Variants in ALCAM observed in about 807,000 individuals in gnomAD.
ALCAM encodes the protein CD166 antigen.
In ALCAM, 30 loss-of-function variants were observed where a neutral mutation model predicts 70.9. That is an observed-to-expected ratio of 0.42 (90% CI 0.32 to 0.57). The LOEUF (loss-of-function observed/expected upper bound fraction) is 0.57. ALCAM is among the 20% of genes least tolerant of loss of function. The pLI is 0.11. For missense variants in ALCAM, 591 were observed against 695.1 expected, an observed-to-expected ratio of 0.85 and a Z score of 1.68; for synonymous variants, 249 against 242.5, an observed-to-expected ratio of 1.03 and a Z score of -0.25.
chr3:105,546,805 C>G (rs1940259057), intron 9 of ALCAM, among the ~76,000 whole-genome samples: 1 of 151,206 alleles, frequency 6.6e-6, no homozygotes, highest in South Asian at 2.1e-4. Flanking sequence ...TAGTTGCCTG[C>G]TTAGGAGCAT....
At chr3:105,556,289 G>C (rs148515798) in intron 14 of ALCAM, among the ~76,000 whole-genome samples, 42 of 152,106 alleles carry the variant, frequency 2.8e-4, no homozygotes, top group African/African-American at 9.6e-4. Flanking sequence ...TTCAAGGTTG[G>C]TTGTATTTAA....
intron 1 of ALCAM, among the ~76,000 whole-genome samples, chr3:105,386,030 T>C (rs555287819): frequency 6.8e-4 from 103 of 151,688 alleles, no homozygotes; most frequent in Non-Finnish European, 1.3e-3. Context: ...GCACATACTA[T>C]TGAATGATCT....
intron 1 of ALCAM, among the ~76,000 whole-genome samples, chr3:105,374,193 A>G (rs1935316206): frequency 6.6e-6 from 1 of 152,174 alleles, no homozygotes; most frequent in Non-Finnish European, 1.5e-5. Context: ...TCTAACTGGC[A>G]GACATGACTT....
At chr3:105,418,038 A>G (rs1007042642) in intron 1 of ALCAM, among the ~76,000 whole-genome samples, 1 of 151,734 alleles carries the variant, frequency 6.6e-6, no homozygotes, top group African/African-American at 2.4e-5. Context: ...GATTTGAGGG[A>G]TGTGATTATG....
intron 1 of ALCAM, among the ~76,000 whole-genome samples, chr3:105,450,861 C>T (rs1169425409): frequency 6.6e-6 from 1 of 152,056 alleles, no homozygotes; most frequent in South Asian, 2.1e-4. Flanking sequence ...AGATTTAAGG[C>T]ATCCTGAGGT....
chr3:105,515,235 A>G (rs1462224106), intron 1 of ALCAM, among the ~76,000 whole-genome samples: 1 of 152,036 alleles, frequency 6.6e-6, no homozygotes, highest in Non-Finnish European at 1.5e-5. Flanking sequence ...TCACTCTATC[A>G]GTAGAACTAT....
At chr3:105,489,320 G>A (rs767967602) in intron 1 of ALCAM, among the ~76,000 whole-genome samples, 1 of 152,102 alleles carries the variant, frequency 6.6e-6, no homozygotes, top group Non-Finnish European at 1.5e-5. Context: ...ATATCAATAA[G>A]TACCACTTTG....
At position 105,534,845 on chromosome 3, in the gene ALCAM, T is replaced by C; in HGVS notation, c.730T>C (p.Tyr244His). 1 of 1,605,878 alleles carries C rather than the reference T, an allele frequency of 6.2e-7. No homozygotes were observed. Among genetic ancestry groups the C allele is most frequent in the Admixed American group, 1.7e-5 (1 of 59,048 alleles). ...HSEQAVFDIYYPTEQVTIQVL... is the reference protein window; with the variant it reads ...HSEQAVFDIYHPTEQVTIQVL... ...TGAACAGGCAGTATTTGATATTTAC[T>C]GTAAGTAATTCAATATATAATTATG... The change falls in exon 6 of 16, where the codon TAT becomes CAT. Residue 244 changes from tyrosine (Y) to histidine (H), a missense_variant and splice_region_variant. Transcript: ENST00000306107.
Position 105,524,895 on chromosome 3 carries a change from G to A in ALCAM, c.394+387G>A, listed in dbSNP as rs997788061. 1.0e-5 allele frequency: 10 copies of A among 988,032 alleles called. No homozygotes were observed. In the African/African-American group the frequency reaches 1.2e-4, roughly 12 times the overall value. The allele number at this position is 988,032 out of a possible 1,614,324, so 61.2% of individuals were successfully genotyped here. ...ATGTATATCACGCATACATATACATGTATTTGGCTGAACCAAATGAAATTG... is the reference window on the plus strand; with the variant it reads ...ATGTATATCACGCATACATATACATATATTTGGCTGAACCAAATGAAATTG... On this transcript the variant is annotated intron_variant, in intron 3 of 15. Transcript: ENST00000306107.
At chr3:105,495,659 C>G (rs1401255646) in intron 1 of ALCAM, among the ~76,000 whole-genome samples, 1 of 152,096 alleles carries the variant, frequency 6.6e-6, no homozygotes, top group East Asian at 1.9e-4. Context: ...TGGAATAATA[C>G]ATTTTACACA....
intron 1 of ALCAM, among the ~76,000 whole-genome samples, chr3:105,447,567 C>G (rs1937329873): frequency 6.6e-6 from 1 of 152,092 alleles, no homozygotes; most frequent in Admixed American, 6.5e-5. Flanking sequence ...TTAGCCAGGC[C>G]TGGTGGCATG....
chr3:105,508,124 T>C (rs1342705454), intron 1 of ALCAM, among the ~76,000 whole-genome samples: 1 of 152,196 alleles, frequency 6.6e-6, no homozygotes, highest in East Asian at 1.9e-4. Context: ...TAGCATCCCA[T>C]TGAGAAAGAA....
At chr3:105,550,641 T>C (rs1383439114) in intron 12 of ALCAM, among the ~76,000 whole-genome samples, 2 of 151,736 alleles carry the variant, frequency 1.3e-5, no homozygotes, top group East Asian at 3.9e-4. Context: ...TGTAATTCCC[T>C]TTGATCTATT....
intron 1 of ALCAM, among the ~76,000 whole-genome samples, chr3:105,418,807 T>G (rs1936572243): frequency 6.6e-6 from 1 of 151,700 alleles, no homozygotes; most frequent in Admixed American, 6.6e-5. Flanking sequence ...TTCTAGAGTT[T>G]TCCAGATATT....
intron 1 of ALCAM, among the ~76,000 whole-genome samples, chr3:105,434,507 T>C (rs991071376): frequency 2.0e-5 from 3 of 152,040 alleles, no homozygotes; most frequent in Non-Finnish European, 4.4e-5. Context: ...AATATGAGAT[T>C]ATTTTTCCTC....
intron 1 of ALCAM, among the ~76,000 whole-genome samples, chr3:105,400,331 A>T (rs1576135492): frequency 2.0e-5 from 3 of 152,328 alleles, no homozygotes; most frequent in Admixed American, 2.0e-4. Context: ...TGCTGCAAAC[A>T]TCATTTAATA....
intron 1 of ALCAM, among the ~76,000 whole-genome samples, chr3:105,496,903 AAG>A (rs540845057): frequency 1.3e-5 from 2 of 151,480 alleles, no homozygotes; most frequent in East Asian, 1.9e-4. Flanking sequence ...AGAGACGAAA[AAG>A]AGCAATGAAG....
chr3:105,537,278 G>C (rs1017994768), intron 6 of ALCAM, among the ~76,000 whole-genome samples: 1 of 152,048 alleles, frequency 6.6e-6, no homozygotes, highest in Non-Finnish European at 1.5e-5. Flanking sequence ...CTATTCCTGC[G>C]ATGGATTTCA....
chr3:105,459,112 A>G (rs1352346175), intron 1 of ALCAM, among the ~76,000 whole-genome samples: 1 of 152,112 alleles, frequency 6.6e-6, no homozygotes, highest in Non-Finnish European at 1.5e-5. Flanking sequence ...TCCCCCACTC[A>G]TAGTCTATGA....
Sources: gnomAD v4.1 joint callset for allele counts (sites outside exome capture counted in the v4.1 genomes callset) on GRCh38, gnomAD v4.1.1 for gene constraint, MANE v1.5 for transcripts, NCBI Gene and HGNC (gene_info 2026-07-23, HGNC 2026-07-21) for gene names.